PCDH15: variants seen among roughly 807,000 people sequenced by gnomAD.
PCDH15 encodes protocadherin-15.
Under a neutral mutation model 178.5 loss-of-function variants are expected in PCDH15, and 129 were observed. That is an observed-to-expected ratio of 0.72 (90% CI 0.63 to 0.84). The LOEUF (loss-of-function observed/expected upper bound fraction) is 0.84. Among genes scored for constraint, PCDH15 ranks in the 40% least tolerant of loss-of-function variants. PCDH15 has a pLI of 0.00. For missense variants in PCDH15, 2,230 were observed against 2,099.9 expected, an observed-to-expected ratio of 1.06 and a Z score of -1.21; for synonymous variants, 800 against 732.0, an observed-to-expected ratio of 1.09 and a Z score of -1.50.
intron 20 of PCDH15, among the ~76,000 whole-genome samples, chr10:54,002,528 TAAC>T (rs1369732768): frequency 6.6e-6 from 1 of 152,108 alleles, no homozygotes. Flanking sequence ...TAAAAATCAA[TAAC>T]AACATAAATT....
chr10:54,899,156 G>A (rs1716067741), intron 2 of PCDH15, among the ~76,000 whole-genome samples: 1 of 152,106 alleles, frequency 6.6e-6, no homozygotes, highest in African/African-American at 2.4e-5. Flanking sequence ...TGGACGTAGA[G>A]TATTTATTTG....
In PCDH15 at chr10:54,954,800, A is replaced by G. The variant is rs546449208; in HGVS notation, c.-79-57300T>C. Among the ~76,000 whole-genome samples, 6 of 151,400 alleles carry G rather than the reference A, an allele frequency of 4.0e-5. No individual in the cohort carries two copies. The East Asian group carries it at 7.7e-4, about 19-fold the overall frequency. On this transcript the variant is annotated intron_variant, in intron 2 of 5. Transcript: ENST00000458638. ...ATTAAAGTTTGTTGGGACTATAAAG[A>G]AGGAAGTTGATTAGTACAGATCAGC...
At chr10:55,389,521 C>T (rs1181498784) in intron 2 of PCDH15, among the ~76,000 whole-genome samples, 1 of 151,992 alleles carries the variant, frequency 6.6e-6, no homozygotes, top group Non-Finnish European at 1.5e-5. Flanking sequence ...ATAAGGCAGT[C>T]TCGAGTTAAA....
intron 37 of PCDH15, chr10:53,808,587 C>G: frequency 6.8e-7 from 1 of 1,466,512 alleles, no homozygotes; most frequent in South Asian, 1.4e-5. Context: ...ATATCAAAAT[C>G]TTGATCAATT....
chr10:54,237,236 A>T (rs1370863932), intron 8 of PCDH15, among the ~76,000 whole-genome samples: 1 of 152,142 alleles, frequency 6.6e-6, no homozygotes, highest in African/African-American at 2.4e-5. Flanking sequence ...GATTTCACAA[A>T]AGAAATAGCA....
intron 2 of PCDH15, among the ~76,000 whole-genome samples, chr10:55,030,027 C>A (rs765435697): frequency 3.9e-5 from 6 of 152,016 alleles, no homozygotes; most frequent in Non-Finnish European, 7.4e-5. Flanking sequence ...TTCAATTATT[C>A]TTTAAGAAAT....
At chr10:54,626,637 G>A (rs1449809932) in intron 2 of PCDH15, among the ~76,000 whole-genome samples, 1 of 152,202 alleles carries the variant, frequency 6.6e-6, no homozygotes, top group African/African-American at 2.4e-5. Flanking sequence ...TGTCCAGGCA[G>A]AAGTTTGCTG....
At chr10:55,422,446 T>C (rs1029007033) in intron 2 of PCDH15, among the ~76,000 whole-genome samples, 1 of 151,948 alleles carries the variant, frequency 6.6e-6, no homozygotes, top group African/African-American at 2.4e-5. Context: ...TTTACCTATA[T>C]GGTATGTCAT....
chr10:54,352,323 A>G (rs944288248), intron 5 of PCDH15, among the ~76,000 whole-genome samples: 1 of 152,192 alleles, frequency 6.6e-6, no homozygotes, highest in Admixed American at 6.5e-5. Flanking sequence ...CAACTTAAAT[A>G]ATACCTCTTC....
At chr10:54,062,241 A>C (rs1385941443) in intron 18 of PCDH15, among the ~76,000 whole-genome samples, 5 of 144,184 alleles carry the variant, frequency 3.5e-5, no homozygotes, top group African/African-American at 1.0e-4. Context: ...AAAAAAAAAA[A>C]AAAAAAAAAA....
In PCDH15 at chr10:54,031,490, T is replaced by C. The variant is rs1223907173; in HGVS notation, c.2221-8293A>G. ...AGAGAAAAGAATCTGTAAATTGTTT[T>C]GTGGAGTGTACAATGTATGAGAAGT... On this transcript the variant is annotated intron_variant, in intron 18 of 37. Coordinates refer to ENST00000644397, the MANE Select transcript of PCDH15 (RefSeq NM_001384140.1). 3.3e-5 allele frequency among the ~76,000 whole-genome samples: 5 copies of C among 152,074 alleles called. No homozygotes were observed. The East Asian group carries it at 7.8e-4, about 24-fold the overall frequency.
chr10:53,846,820 T>C (rs1442456171), intron 28 of PCDH15, among the ~76,000 whole-genome samples: 2 of 152,002 alleles, frequency 1.3e-5, no homozygotes, highest in Admixed American at 1.3e-4. Context: ...TTTTTTACAC[T>C]AAAATTATTA....
chr10:55,296,712 TTTTAA>T (rs1207341406), intron 1 of PCDH15, among the ~76,000 whole-genome samples: 7 of 152,266 alleles, frequency 4.6e-5, no homozygotes, highest in African/African-American at 1.4e-4. Context: ...CGGACCTGCT[TTTTAA>T]TTTATTTTTT....
intron 3 of PCDH15, among the ~76,000 whole-genome samples, chr10:54,407,989 A>G (rs1368585840): frequency 7.2e-6 from 1 of 138,594 alleles, no homozygotes; most frequent in African/African-American, 2.7e-5. Context: ...CGGGAGGTGG[A>G]GGTTGCAGTG....
At chr10:54,448,335 A>C (rs1245494250) in intron 3 of PCDH15, among the ~76,000 whole-genome samples, 2 of 151,838 alleles carry the variant, frequency 1.3e-5, no homozygotes, top group South Asian at 2.1e-4. Context: ...GGAAGAGAAG[A>C]AGCTAAGTTC....
rs1044769975 is a variant in PCDH15 at position 54,287,674 on chromosome 10, G to A, written c.876+29597C>T. On this transcript the variant is annotated intron_variant, in intron 8 of 37. Coordinates refer to ENST00000644397, the MANE Select transcript of PCDH15 (RefSeq NM_001384140.1). Reference sequence around the variant, plus strand: ...TAAAGCACTGAGGACAAGACAAGATGTTTATATATACTTCCTGCTGTTTAA... The same window carrying A: ...TAAAGCACTGAGGACAAGACAAGATATTTATATATACTTCCTGCTGTTTAA... Among the ~76,000 whole-genome samples the A allele has an allele frequency of 2.6e-5, 4 of 152,206 alleles. No homozygotes were observed. In the East Asian group the frequency reaches 5.8e-4, roughly 22 times the overall value.
At chr10:54,052,323 G>A (rs978913699) in intron 18 of PCDH15, among the ~76,000 whole-genome samples, 3 of 152,292 alleles carry the variant, frequency 2.0e-5, no homozygotes, top group African/African-American at 7.2e-5. Context: ...TAGGAGGGGG[G>A]CTGTACCCGC....
chr10:54,424,528 T>C lies in PCDH15; in HGVS notation c.158-45586A>G, dbSNP rs373373915. On this transcript the variant is annotated intron_variant, in intron 3 of 37. Coordinates refer to ENST00000644397, the MANE Select transcript of PCDH15 (RefSeq NM_001384140.1). ...TACTGGGTATACACCCAAAGGATTA[T>C]AAAACATGCTGCTATAAAGACACAT... Among the ~76,000 whole-genome samples, 2 of 150,482 alleles carry C rather than the reference T, an allele frequency of 1.3e-5. 1 individual carries two copies. The highest frequency in any genetic ancestry group is 5.0e-5 in the African/African-American group (2 of 39,890).
At chr10:54,945,862 A>G (rs1235161527) in intron 2 of PCDH15, among the ~76,000 whole-genome samples, 1 of 151,852 alleles carries the variant, frequency 6.6e-6, no homozygotes, top group African/African-American at 2.4e-5. Context: ...CTATATTCTC[A>G]AAAGTGTTGT....
Sources: gnomAD v4.1 joint callset for allele counts (sites outside exome capture counted in the v4.1 genomes callset) on GRCh38, gnomAD v4.1.1 for gene constraint, MANE v1.5 for transcripts, NCBI Gene and HGNC (gene_info 2026-07-23, HGNC 2026-07-21) for gene names.